The following ATP13A3 variants were observed in gnomAD, a reference collection of about 807,000 sequenced individuals.
ATP13A3 encodes polyamine-transporting ATPase 13A3.
Under a neutral mutation model 158.1 loss-of-function variants are expected in ATP13A3, and 59 were observed. The observed-to-expected ratio is 0.37, with a 90% CI of 0.30 to 0.46. The LOEUF (loss-of-function observed/expected upper bound fraction) is 0.46. Among genes scored for constraint, ATP13A3 ranks in the 20% least tolerant of loss-of-function variants. The pLI is 1.00. For synonymous variants in ATP13A3, 491 were observed against 504.3 expected, an observed-to-expected ratio of 0.97 and a Z score of 0.35; for missense variants, 1,166 against 1,525.2, an observed-to-expected ratio of 0.76 and a Z score of 3.92.
At position 194,404,251 on chromosome 3, in the gene ATP13A3, C is replaced by T; in HGVS notation, c.*1668G>A. 1 of 348,416 alleles carries T rather than the reference C, an allele frequency of 2.9e-6. No homozygotes were observed. The highest frequency in any genetic ancestry group is 2.1e-5 in the South Asian group (1 of 47,970). 21.6% of individuals were successfully genotyped at this position (348,416 alleles called of 1,614,324 possible). A position where few individuals can be genotyped will look rare whatever the true frequency, so the allele number is the denominator to read the frequency against. On this transcript the variant is annotated 3_prime_UTR_variant, in exon 34 of 34. Transcript: ENST00000645319. Reference sequence around the variant, plus strand: ...TAATGTGTATTAATAGCATATTATACATTTGATGGAAAACTTCGATTATAT... The same window carrying T: ...TAATGTGTATTAATAGCATATTATATATTTGATGGAAAACTTCGATTATAT...
chr3:194,444,730 A>G lies in ATP13A3; in HGVS notation c.1554T>C (p.Asn518=). ...LDLWGIQRVE[N]ARFLSPEENV... ...CAAGTCTAACTAATATTTACCGTGCATTTTCCACTCGTTGAATCCCCCAAA... is the reference window on the plus strand; with the variant it reads ...CAAGTCTAACTAATATTTACCGTGCGTTTTCCACTCGTTGAATCCCCCAAA... The change falls in exon 15 of 34, where the codon AAT becomes AAC. Residue 518 remains asparagine (N), a synonymous_variant. Coordinates refer to ENST00000645319, the MANE Select transcript of ATP13A3 (RefSeq NM_001367549.1). The G allele has an allele frequency of 6.3e-7, 1 of 1,592,536 alleles. No individual in the cohort carries two copies. The highest frequency in any genetic ancestry group is 8.5e-7 in the Non-Finnish European group (1 of 1,174,050).
intron 31 of ATP13A3, 114 bp from the exon 32 acceptor site, chr3:194,413,953 T>A: frequency 1.2e-6 from 1 of 830,806 alleles, no homozygotes; most frequent in East Asian, 2.5e-5. Flanking sequence ...CACCTTCATA[T>A]ACATTATCTA....
At chr3:194,488,701 T>C (rs554702207), upstream of ATP13A3, 1 of 152,190 alleles carries the variant, frequency 6.6e-6, no homozygotes, top group Non-Finnish European at 1.5e-5. The surrounding 1 kb of genome is among the most constrained non-coding windows in gnomAD (Gnocchi z 4.1). Flanking sequence ...TTCAGAAGAG[T>C]GAACCCTCTG....
intron 28 of ATP13A3, among the ~76,000 whole-genome samples, chr3:194,428,231 A>AAAG (rs1553797767): frequency 7.1e-6 from 1 of 141,792 alleles, no homozygotes; most frequent in African/African-American, 2.8e-5. Context: ...AAAAAAAAAA[A>AAAG]AAAAAAGAAA....
intron 15 of ATP13A3, among the ~76,000 whole-genome samples, chr3:194,444,324 A>G (rs1718248017): frequency 6.6e-6 from 1 of 152,270 alleles, no homozygotes; most frequent in Non-Finnish European, 1.5e-5. Flanking sequence ...TCAATGGAAT[A>G]AGACAGAGCA....
rs1026105072 is a variant in ATP13A3 at position 194,486,559 on chromosome 3, C to G, written c.-89+7G>C. The G allele has an allele frequency of 6.6e-6, 1 of 151,892 alleles. No homozygotes were observed. The highest frequency in any genetic ancestry group is 2.4e-5 in the African/African-American group (1 of 41,256). 9.4% of individuals were successfully genotyped at this position (151,892 alleles called of 1,614,324 possible). ...GCCGCTGCCCACCCGCCCCTCGCCC[C>G]GCTCACCGGGGCCGCTCACTGGCCG... On this transcript the variant is annotated splice_region_variant and intron_variant, in intron 1 of 33. Coordinates refer to ENST00000645319, the MANE Select transcript of ATP13A3 (RefSeq NM_001367549.1).
chr3:194,456,539 G>A (rs989329862), intron 7 of ATP13A3, among the ~76,000 whole-genome samples: 1 of 151,954 alleles, frequency 6.6e-6, no homozygotes, highest in African/African-American at 2.4e-5. Context: ...ACATGTTACA[G>A]AACTATAAGA....
chr3:194,466,718 G>A (rs1461673954), intron 2 of ATP13A3, among the ~76,000 whole-genome samples: 1 of 152,136 alleles, frequency 6.6e-6, no homozygotes, highest in Admixed American at 6.5e-5. Flanking sequence ...GGGTGCAGTG[G>A]TGCATGCCTA....
At chr3:194,446,201 T>G (rs964388456) in intron 14 of ATP13A3, among the ~76,000 whole-genome samples, 2 of 152,108 alleles carry the variant, frequency 1.3e-5, no homozygotes, top group African/African-American at 4.8e-5. Flanking sequence ...CAAATACGAT[T>G]GTTTTGTCCG....
chr3:194,406,061 T>C lies in ATP13A3; in HGVS notation c.3629A>G (p.Lys1210Arg). ...CCLPWALGCRKKTPKAKYMYL... is the reference protein window; with the variant it reads ...CCLPWALGCRRKTPKAKYMYL... ...CATGTACTTTGCCTTTGGTGTCTTC[T>C]TTCTACAGCCCAGGGCCCAGGGTAA... is the stretch of plus-strand genomic sequence containing the variant. The change falls in exon 34 of 34, where the codon AAG (lysine) becomes AGG (arginine). Residue 1210 changes from lysine to arginine, a missense_variant. Physicochemically the swap from Lys to Arg is conservative, Grantham distance 26. Around this residue, in one of 3 missense-constraint regions of ATP13A3, gnomAD observed 997 missense variants for 1,341.2 expected, o/e 0.74. Coordinates refer to ENST00000645319, the MANE Select transcript of ATP13A3 (RefSeq NM_001367549.1). 1 of 1,614,220 alleles carries C rather than the reference T, an allele frequency of 6.2e-7. No homozygotes were observed.
At chr3:194,447,580 G>GTT (rs369057743) in intron 13 of ATP13A3, among the ~76,000 whole-genome samples, 5 of 142,792 alleles carry the variant, frequency 3.5e-5, no homozygotes, top group African/African-American at 7.7e-5. Flanking sequence ...TTTTTTTCCT[G>GTT]TTTTTTTTTT....
intron 11 of ATP13A3, 37 bp downstream of exon 11, chr3:194,450,108 T>C: frequency 6.2e-7 from 1 of 1,604,986 alleles, no homozygotes; most frequent in South Asian, 1.1e-5. Flanking sequence ...TGATATATCA[T>C]GAACAACTCA....
At chr3:194,482,269 G>A (rs1436108911) in intron 2 of ATP13A3, among the ~76,000 whole-genome samples, 2 of 151,928 alleles carry the variant, frequency 1.3e-5, no homozygotes, top group East Asian at 3.9e-4. Flanking sequence ...ATTATTTTTG[G>A]TTGTTTTAAG....
At chr3:194,428,762 G>T in intron 28 of ATP13A3, 83 bp downstream of exon 28, 1 of 928,382 alleles carries the variant, frequency 1.1e-6, no homozygotes. Flanking sequence ...TGTTACAATT[G>T]TTGATGTAAA....
intron 13 of ATP13A3, 35 bp from the exon 14 acceptor site, chr3:194,447,150 A>G (rs1718461932): frequency 1.3e-6 from 2 of 1,540,586 alleles, no homozygotes; most frequent in Non-Finnish European, 1.8e-6. Context: ...TCAAATCCCC[A>G]GTATTATTTA....
In ATP13A3 at chr3:194,427,185, G is replaced by A. The variant is rs183037298; in HGVS notation, c.3015C>T (p.Ala1005=). The change falls in exon 29 of 34, where the codon GCC becomes GCT. Residue 1005 remains alanine, a synonymous_variant. Coordinates refer to ENST00000645319, the MANE Select transcript of ATP13A3 (RefSeq NM_001367549.1). ...TCTGAGACAAAACGGAGAAGAGAAG[G>A]GCCCCAGATATAAGACCCGAAGGTG... ...QRPPSGLISG[A]LLFSVLSQII... is the part of the protein sequence containing the mutation. The A allele has an allele frequency of 6.5e-5, 105 of 1,613,168 alleles. No individual in the cohort carries two copies. The highest frequency in any genetic ancestry group is 7.0e-5 in the Non-Finnish European group (83 of 1,179,842).
chr3:194,433,564 A>G (rs1717404019), intron 21 of ATP13A3, among the ~76,000 whole-genome samples: 2 of 152,094 alleles, frequency 1.3e-5, no homozygotes, highest in South Asian at 2.1e-4. Context: ...ATTCTACTAC[A>G]CTTTCTATAA....
chr3:194,432,658 G>T (rs116535452), intron 21 of ATP13A3, among the ~76,000 whole-genome samples: 3,779 of 152,228 alleles, frequency 0.025, 162 homozygotes, highest in African/African-American at 0.087. Flanking sequence ...AGAATGGCTG[G>T]AATGCTAACA....
In ATP13A3 at chr3:194,459,896, A is replaced by G. The variant is rs1440286805; in HGVS notation, c.301T>C (p.Ser101Pro). The change falls in exon 5 of 34, where the codon TCT (serine) becomes CCT (proline). Residue 101 changes from serine to proline, a missense_variant. Transcript: ENST00000645319. ...CCATTTGAAAGCTTATTAGACATAG[A>G]TTTTGGACTTGAAACTGGGTAAGTT... The part of the protein sequence containing the change: ...LETYPVSSPK[S>P]MSNKLSNGHA... The G allele has an allele frequency of 6.2e-7, 1 of 1,613,426 alleles. No homozygotes were observed. The highest frequency in any genetic ancestry group is 1.7e-5 in the Admixed American group (1 of 59,994).
Sources: allele counts gnomAD v4.1 joint callset (sites outside exome capture counted in the v4.1 genomes callset), GRCh38; gene constraint gnomAD v4.1.1; regional missense constraint gnomAD v4.1.1; non-coding constraint Gnocchi (gnomAD v3.1); transcripts MANE v1.5; gene names NCBI Gene and HGNC (gene_info 2026-07-23, HGNC 2026-07-21).